The following SMTNL1 variants were observed in gnomAD, a reference collection of about 807,000 sequenced individuals.
SMTNL1 encodes the protein smoothelin-like protein 1.
Under a neutral mutation model 46.6 loss-of-function variants are expected in SMTNL1, and 41 were observed. The ratio of observed to expected loss-of-function variants is 0.88; its 90% CI spans 0.69 to 1.14. The LOEUF (loss-of-function observed/expected upper bound fraction) is 1.14, where lower values mean the gene tolerates loss of function less well. Among genes scored for constraint, SMTNL1 ranks in the 50% most tolerant of loss-of-function variants. The pLI is 0.00. For synonymous variants in SMTNL1, 234 were observed against 234.2 expected (o/e 1.00, Z 0.01); for missense variants, 591 against 626.1 (o/e 0.94, Z 0.60).
intron 7 of SMTNL1, among the ~76,000 whole-genome samples, chr11:57,547,629 G>A (rs953013844): frequency 3.3e-5 from 5 of 152,252 alleles, no homozygotes; most frequent in African/African-American, 9.6e-5. Flanking sequence ...GTCCGGGGAT[G>A]AGGGGAGGGA....
chr11:57,538,926 T>G (rs1337541693), intron 1 of SMTNL1, among the ~76,000 whole-genome samples: 5 of 152,112 alleles, frequency 3.3e-5, no homozygotes, highest in Non-Finnish European at 5.9e-5. Context: ...CCTTTTCTAT[T>G]TGTGACAAGC....
At chr11:57,537,863 G>C (rs1449976241) in intron 1 of SMTNL1, among the ~76,000 whole-genome samples, 1 of 152,188 alleles carries the variant, frequency 6.6e-6, no homozygotes, top group Non-Finnish European at 1.5e-5. Context: ...CCATCCACGA[G>C]GAGGCCACAG....
intron 1 of SMTNL1, chr11:57,541,469 T>C (rs1455022504): frequency 7.3e-7 from 1 of 1,366,218 alleles, no homozygotes; most frequent in Admixed American, 1.9e-5. Context: ...AGTACTTAAA[T>C]AGGAAACTCC....
At chr11:57,541,382 C>T in intron 1 of SMTNL1, 1 of 652,272 alleles carries the variant, frequency 1.5e-6, no homozygotes, top group Non-Finnish European at 2.3e-6. Flanking sequence ...AACTACACCC[C>T]CCAAAAAGGG....
Position 57,542,711 on chromosome 11 carries a change from G to A in SMTNL1, c.69G>A (p.Glu23=). The A allele has an allele frequency of 6.2e-7, 1 of 1,613,966 alleles. No individual in the cohort carries two copies. The highest frequency in any genetic ancestry group is 8.5e-7 in the Non-Finnish European group (1 of 1,179,854). The change falls in exon 2 of 8, where the codon GAG becomes GAA. Residue 23 remains glutamate (E), a synonymous_variant. Transcript: ENST00000527972. The part of the protein sequence containing the change: ...TTVSPAADNP[E]MSGGGAPAEE... ...TCTCCCCAGCTGCGGACAACCCTGA[G>A]ATGTCAGGAGGTGGAGCCCCTGCAG...
At chr11:57,539,136 G>T (rs1944853838) in intron 1 of SMTNL1, among the ~76,000 whole-genome samples, 1 of 152,026 alleles carries the variant, frequency 6.6e-6, no homozygotes, top group African/African-American at 2.4e-5. Flanking sequence ...TTCACTTGAG[G>T]CCAAGAGTTT....
Position 57,543,203 on chromosome 11 carries a change from T to C in SMTNL1, c.561T>C (p.Thr187=). 6.2e-7 allele frequency: 1 copy of C among 1,613,530 alleles called. No homozygotes were observed. Among genetic ancestry groups the C allele is most frequent in the Non-Finnish European group, 8.5e-7 (1 of 1,179,796 alleles). ...EETGQRKECS[T]EPKEKATDEE... The stretch of plus-strand genomic sequence containing the variant: ...CAGGCCAGAGGAAAGAGTGCAGCAC[T>C]GAACCCAAGGAGAAGGCTACTGATG... The change falls in exon 2 of 8, where the codon ACT becomes ACC. Residue 187 remains threonine (T), a synonymous_variant. Coordinates refer to ENST00000527972, the MANE Select transcript of SMTNL1 (RefSeq NM_001105565.3).
chr11:57,540,532 A>C (rs897306560), intron 1 of SMTNL1, among the ~76,000 whole-genome samples: 3 of 152,118 alleles, frequency 2.0e-5, no homozygotes, highest in Non-Finnish European at 4.4e-5. Flanking sequence ...CACAGAACAC[A>C]ATGTGGAGAA....
At position 57,537,603 on chromosome 11, in the gene SMTNL1, CAA is replaced by C. The variant is rs1944838410; in HGVS notation, c.-40_-39del. ...TGGGAGTGAGGCCACTCAGCTGGAG[CAA>C]AGAGACAGCTCCCAAGCCACAGGCA... is the stretch of plus-strand genomic sequence containing the variant. On this transcript the variant is annotated 5_prime_UTR_variant, in exon 1 of 8. Coordinates refer to ENST00000527972, the MANE Select transcript of SMTNL1 (RefSeq NM_001105565.3). Among the ~76,000 whole-genome samples, 1 of 152,090 alleles carries C rather than the reference CAA, an allele frequency of 6.6e-6. No homozygotes were observed. The highest frequency in any genetic ancestry group is 1.5e-5 in the Non-Finnish European group (1 of 68,008).
intron 7 of SMTNL1, 120 bp downstream of exon 7, chr11:57,546,772 A>C: frequency 7.7e-7 from 1 of 1,301,082 alleles, no homozygotes; most frequent in Non-Finnish European, 1.1e-6. Context: ...TGTATCCAAC[A>C]GACATTTTTT....
In SMTNL1 at chr11:57,542,699, G is replaced by T; in HGVS notation, c.57G>T (p.Ala19=). 6.2e-7 allele frequency: 1 copy of T among 1,613,846 alleles called. No individual in the cohort carries two copies. The highest frequency in any genetic ancestry group is 8.5e-7 in the Non-Finnish European group (1 of 1,179,834). Residue 19 remains alanine, a synonymous_variant, in exon 2 of 8, where the codon GCG becomes GCT. Transcript: ENST00000527972. ...ATGGGACCACCGTCTCCCCAGCTGC[G>T]GACAACCCTGAGATGTCAGGAGGTG... ...SEDGTTVSPA[A]DNPEMSGGGA...
intron 4 of SMTNL1, among the ~76,000 whole-genome samples, chr11:57,545,118 T>G (rs1944911600): frequency 6.6e-6 from 1 of 151,896 alleles, no homozygotes; most frequent in Non-Finnish European, 1.5e-5. Context: ...ATTACAGGCA[T>G]GAGCCACTGT....
Position 57,543,235 on chromosome 11 carries a change from C to T in SMTNL1, c.593C>T (p.Ala198Val). The change falls in exon 2 of 8, where the codon GCC becomes GTC. Residue 198 changes from alanine to valine, a missense_variant. Ala to Val is a moderately conservative substitution (Grantham distance 64). Coordinates refer to ENST00000527972, the MANE Select transcript of SMTNL1 (RefSeq NM_001105565.3). ...EPKEKATDEE[A>V]KAESQKAVVE... ...AAGGAGAAGGCTACTGATGAAGAGG[C>T]CAAGGCTGAATCGCAGAAGGCTGTT... The T allele has an allele frequency of 6.2e-7, 1 of 1,613,744 alleles. No homozygotes were observed. The highest frequency in any genetic ancestry group is 8.5e-7 in the Non-Finnish European group (1 of 1,179,838).
Position 57,543,096 on chromosome 11 carries a change from G to A in SMTNL1, c.454G>A (p.Ala152Thr). Residue 152 changes from alanine to threonine, a missense_variant, in exon 2 of 8, where the codon GCC (alanine) becomes ACC (threonine). Physicochemically the swap from Ala to Thr is moderately conservative, Grantham distance 58. Transcript: ENST00000527972. Reference protein sequence around the residue: ...KEAKPESGQKADANDRDKPEP... With the variant: ...KEAKPESGQKTDANDRDKPEP... The stretch of plus-strand genomic sequence containing the variant: ...GGCCAAACCTGAATCTGGGCAGAAA[G>A]CCGATGCCAATGACAGAGACAAGCC... 6.2e-7 allele frequency: 1 copy of A among 1,611,740 alleles called. No homozygotes were observed. Among genetic ancestry groups the A allele is most frequent in the Non-Finnish European group, 8.5e-7 (1 of 1,178,848 alleles).
chr11:57,539,744 G>A (rs1372794989), intron 1 of SMTNL1, among the ~76,000 whole-genome samples: 1 of 152,214 alleles, frequency 6.6e-6, no homozygotes, highest in Non-Finnish European at 1.5e-5. Flanking sequence ...TTGAGTGGCT[G>A]GGACCACAGG....
intron 5 of SMTNL1, 38 bp from the exon 6 acceptor site, chr11:57,546,195 C>A: frequency 2.6e-6 from 4 of 1,545,620 alleles, no homozygotes; most frequent in Non-Finnish European, 3.5e-6. Context: ...TGGCCTCCTG[C>A]CTCTCTGGCT....
rs1346266396 is a variant in SMTNL1, at chr11:57,542,843, G to A, written c.201G>A (p.Gln67=). 12 of 1,613,288 alleles carry A rather than the reference G, an allele frequency of 7.4e-6. No homozygotes were observed. The highest frequency in any genetic ancestry group is 1.0e-5 in the Non-Finnish European group (12 of 1,179,562). Residue 67 remains glutamine (Q), a synonymous_variant, in exon 2 of 8, where the codon CAG becomes CAA. Coordinates refer to ENST00000527972, the MANE Select transcript of SMTNL1 (RefSeq NM_001105565.3). The part of the protein sequence containing the change: ...PAEDGMSAEL[Q]GEANGLDEVK... The stretch of plus-strand genomic sequence containing the variant: ...AGGACGGCATGTCAGCAGAACTCCA[G>A]GGGGAAGCAAATGGATTAGATGAGG...
chr11:57,540,825 C>T (rs1187002046), intron 1 of SMTNL1, among the ~76,000 whole-genome samples: 1 of 152,110 alleles, frequency 6.6e-6, no homozygotes, highest in East Asian at 1.9e-4. Context: ...ATTCTCCTGC[C>T]TCAGCCTCCC....
At chr11:57,549,443 G>C (rs1124942) in intron 7 of SMTNL1, among the ~76,000 whole-genome samples, 2 of 151,982 alleles carry the variant, frequency 1.3e-5, no homozygotes, top group Admixed American at 1.3e-4. Flanking sequence ...AGGGTCCTGC[G>C]CCCATGTGAG....
Sources: allele counts gnomAD v4.1 joint callset (sites outside exome capture counted in the v4.1 genomes callset), GRCh38; gene constraint gnomAD v4.1.1; transcripts MANE v1.5; gene names NCBI Gene and HGNC (gene_info 2026-07-23, HGNC 2026-07-21).